MOV10L1: variants seen among roughly 807,000 people sequenced by gnomAD.
MOV10L1 encodes the protein Mov10 like RNA helicase 1, also known as RNA helicase Mov10l1.
In MOV10L1, 110 loss-of-function variants were observed where a neutral mutation model predicts 143.8. That is an observed-to-expected ratio of 0.76 (90% CI 0.66 to 0.90). The LOEUF (loss-of-function observed/expected upper bound fraction) is 0.90. Ranked by LOEUF, MOV10L1 falls within the 40% of genes least tolerant of loss-of-function variation. The probability of loss-of-function intolerance (pLI) is 0.00; values close to 1 mark genes in which losing one functional copy is unlikely to be tolerated. For synonymous variants in MOV10L1, 593 were observed against 581.1 expected, an observed-to-expected ratio of 1.02 and a Z score of -0.29; for missense variants, 1,406 against 1,526.8, an observed-to-expected ratio of 0.92 and a Z score of 1.32.
chr22:50,104,045 TG>T (rs2061809625), intron 3 of MOV10L1, among the ~76,000 whole-genome samples: 1 of 152,042 alleles, frequency 6.6e-6, no homozygotes, highest in South Asian at 2.1e-4. Context: ...CTGGGGGTGA[TG>T]GGAGACAGTG....
At chr22:50,161,093 C>A in intron 26 of MOV10L1, 38 bp downstream of exon 26, 1 of 1,593,070 alleles carries the variant, frequency 6.3e-7, no homozygotes, top group South Asian at 1.1e-5. Flanking sequence ...GACAGGCTGG[C>A]TCTAGAACGT....
chr22:50,132,170 C>T (rs1236472054), intron 13 of MOV10L1, among the ~76,000 whole-genome samples: 2 of 152,204 alleles, frequency 1.3e-5, no homozygotes, highest in African/African-American at 2.4e-5. Flanking sequence ...TGAAGTTTCA[C>T]CATACGAAGC....
intron 22 of MOV10L1, among the ~76,000 whole-genome samples, chr22:50,157,446 A>G (rs2063455286): frequency 6.6e-6 from 1 of 152,058 alleles, no homozygotes; most frequent in Non-Finnish European, 1.5e-5. Flanking sequence ...GTTTTCCTCC[A>G]AGAATTTTAT....
chr22:50,142,312 G>A (rs1313025134), intron 16 of MOV10L1, 123 bp downstream of exon 16: 8 of 642,430 alleles, frequency 1.2e-5, no homozygotes, highest in Non-Finnish European at 2.0e-5. Flanking sequence ...GCCTGTGACA[G>A]GCGGCTGCCG....
rs2063326034 is a variant in MOV10L1 at position 50,152,455 on chromosome 22, G to A, written c.2893-590G>A. Among the ~76,000 whole-genome samples, 1 of 152,174 alleles carries A rather than the reference G, an allele frequency of 6.6e-6. No individual in the cohort carries two copies. The highest frequency in any genetic ancestry group is 1.5e-5 in the Non-Finnish European group (1 of 68,018). On this transcript the variant is annotated intron_variant, in intron 21 of 26. Coordinates refer to ENST00000262794, the MANE Select transcript of MOV10L1 (RefSeq NM_018995.3). The surrounding 1 kb of genome is among the most constrained non-coding windows in gnomAD (Gnocchi z 4.4). ...GCACCAGGGGAAGAGCACCTGCCCT[G>A]AGTGAGCTTCCCGAGCAAGTTGGAG...
chr22:50,115,410 C>T lies in MOV10L1; in HGVS notation c.1259+164C>T, dbSNP rs191404518. Among the ~76,000 whole-genome samples, 331 of 152,094 alleles carry T rather than the reference C, an allele frequency of 2.2e-3. 3 individuals carry two copies. The highest frequency in any genetic ancestry group is 4.4e-3 in the East Asian group (23 of 5,178). On this transcript the variant is annotated intron_variant, in intron 8 of 26. Transcript: ENST00000262794. ...CGAAACCCCGCCTCTACTAAAAATA[C>T]AAAAATTACTTGGGCCCCTGTAGTC...
chr22:50,098,698 T>C (rs1293100829), intron 2 of MOV10L1, among the ~76,000 whole-genome samples: 1 of 152,224 alleles, frequency 6.6e-6, no homozygotes, highest in East Asian at 1.9e-4. Context: ...TGAATAAAGA[T>C]AATTGAAATT....
chr22:50,157,761 CAAAAA>C (rs35212822), intron 22 of MOV10L1, among the ~76,000 whole-genome samples: 4 of 120,318 alleles, frequency 3.3e-5, no homozygotes, highest in Non-Finnish European at 3.3e-5. Flanking sequence ...GGTCTAATAT[CAAAAA>C]AAAAAAAAAA....
In MOV10L1 at chr22:50,139,814, C is replaced by T. The variant is rs189713860; in HGVS notation, c.2071-2267C>T. Among the ~76,000 whole-genome samples the T allele has an allele frequency of 1.3e-4, 20 of 152,328 alleles. No homozygotes were observed. In the East Asian group the frequency reaches 3.9e-3, roughly 29 times the overall value. ...ACACAAGTTAAACCACAATGAGGTACCACTGAACACCTGCTAGAATGGCCA... is the reference window on the plus strand; with the variant it reads ...ACACAAGTTAAACCACAATGAGGTATCACTGAACACCTGCTAGAATGGCCA... On this transcript the variant is annotated intron_variant, in intron 15 of 26. Transcript: ENST00000262794.
intron 3 of MOV10L1, among the ~76,000 whole-genome samples, chr22:50,103,121 G>A (rs371059500): frequency 1.3e-5 from 2 of 152,178 alleles, no homozygotes; most frequent in East Asian, 3.9e-4. Context: ...AGGTTACCTA[G>A]GTGAGGTCTG....
chr22:50,144,007 C>T, intron 17 of MOV10L1, 90 bp from the exon 18 acceptor site: 2 of 1,508,510 alleles, frequency 1.3e-6, no homozygotes, highest in East Asian at 2.3e-5. Context: ...TGAGTCCCTG[C>T]ACCCGAATGT....
At chr22:50,108,967 A>C in intron 5 of MOV10L1, 123 bp downstream of exon 5, 1 of 855,276 alleles carries the variant, frequency 1.2e-6, no homozygotes, top group Non-Finnish European at 1.8e-6. Context: ...CAACGTGGTG[A>C]AACTCTGTCT....
chr22:50,143,310 G>C (rs1177940991), intron 17 of MOV10L1, 89 bp downstream of exon 17: 1 of 1,401,330 alleles, frequency 7.1e-7, no homozygotes, highest in Non-Finnish European at 1.0e-6. Flanking sequence ...TTAGATTGTA[G>C]AATCAGACAG....
chr22:50,113,824 C>A, intron 6 of MOV10L1, 36 bp downstream of exon 6: 1 of 1,512,402 alleles, frequency 6.6e-7, no homozygotes, highest in Non-Finnish European at 8.9e-7. Context: ...TATAAAGCTA[C>A]ATTAATGGCT....
chr22:50,148,185 G>A (rs113814280), intron 19 of MOV10L1, among the ~76,000 whole-genome samples: 3 of 152,306 alleles, frequency 2.0e-5, no homozygotes, highest in African/African-American at 2.4e-5. Context: ...GCGTGGCTCC[G>A]GACACTCTCT....
In MOV10L1 at chr22:50,159,666, T is replaced by G; in HGVS notation, c.3217-12T>G. ...GTGTTATCTTTAGTCTTTCTTTTAATCTGTTCTCAAGGTGGAGAAAATCAG... is the reference window on the plus strand; with the variant it reads ...GTGTTATCTTTAGTCTTTCTTTTAAGCTGTTCTCAAGGTGGAGAAAATCAG... On this transcript the variant is annotated splice_polypyrimidine_tract_variant and intron_variant, in intron 23 of 26. Transcript: ENST00000262794. This position sits in a 1 kb window ranked among gnomAD's most constrained non-coding sequence, Gnocchi z 4.1. The G allele has an allele frequency of 6.5e-7, 1 of 1,533,234 alleles. No homozygotes were observed. Among genetic ancestry groups the G allele is most frequent in the Non-Finnish European group, 9.0e-7 (1 of 1,112,366 alleles). 95.0% of individuals were successfully genotyped at this position (1,533,234 alleles called of 1,614,324 possible). A position where few individuals can be genotyped will look rare whatever the true frequency, so the allele number is the denominator to read the frequency against.
chr22:50,150,707 T>A, intron 20 of MOV10L1, 28 bp from the exon 21 acceptor site: 1 of 1,608,600 alleles, frequency 6.2e-7, no homozygotes, highest in Non-Finnish European at 8.5e-7. Context: ...CCTCCCTGCA[T>A]GAGCTGAGAC....
At chr22:50,147,779 C>T (rs1602335030) in intron 19 of MOV10L1, among the ~76,000 whole-genome samples, 1 of 152,342 alleles carries the variant, frequency 6.6e-6, no homozygotes, top group East Asian at 1.9e-4. Flanking sequence ...AGGAAAGATA[C>T]ATAATGTTAA....
intron 19 of MOV10L1, among the ~76,000 whole-genome samples, chr22:50,148,374 G>C (rs2015453): frequency 0.23 from 34,860 of 152,154 alleles, 4,368 homozygotes; most frequent in Admixed American, 0.36. Context: ...TCTAGAAACA[G>C]ATCATGTGCC....
Sources: gnomAD v4.1 joint callset for allele counts (sites outside exome capture counted in the v4.1 genomes callset) on GRCh38, gnomAD v4.1.1 for gene constraint, Gnocchi (gnomAD v3.1) non-coding constraint, MANE v1.5 for transcripts, NCBI Gene and HGNC (gene_info 2026-07-23, HGNC 2026-07-21) for gene names.